CADPS: variants seen among roughly 807,000 people sequenced by gnomAD.
CADPS encodes calcium dependent secretion activator, also known as calcium-dependent secretion activator 1.
In CADPS, 57 loss-of-function variants were observed where a neutral mutation model predicts 167.3. The observed-to-expected ratio is 0.34, with a 90% confidence interval of 0.28 to 0.42. The LOEUF is 0.42. Ranked by LOEUF, CADPS falls within the 20% of genes least tolerant of loss-of-function variation. The pLI, the probability that CADPS is intolerant of heterozygous loss-of-function variation, is 1.00. For synonymous variants in CADPS, 676 were observed against 635.3 expected (o/e 1.06, Z -0.96); for missense variants, 1,414 against 1,738.1 (o/e 0.81, Z 3.32).
chr3:62,624,858 T>C (rs2063769809), intron 6 of CADPS, among the ~76,000 whole-genome samples: 1 of 152,116 alleles, frequency 6.6e-6, no homozygotes, highest in South Asian at 2.1e-4. Context: ...CCAGGAGCCA[T>C]GTCTGTGGTA....
intron 17 of CADPS, among the ~76,000 whole-genome samples, chr3:62,511,598 T>G (rs1040967101): frequency 4.6e-5 from 7 of 152,186 alleles, no homozygotes; most frequent in Admixed American, 1.3e-4. Context: ...ATTCTCTTGA[T>G]GTAGGATGAC....
chr3:62,685,707 G>A (rs1424512714), intron 3 of CADPS, among the ~76,000 whole-genome samples: 1 of 70,608 alleles, frequency 1.4e-5, no homozygotes, highest in Non-Finnish European at 2.7e-5. Flanking sequence ...ATTGGTTGGG[G>A]GGATGGTTTC....
At chr3:62,865,774 A>C (rs17292801) in intron 1 of CADPS, among the ~76,000 whole-genome samples, 1,841 of 152,254 alleles carry the variant, frequency 0.012, 21 homozygotes, top group Non-Finnish European at 0.02. Context: ...GTAGCTCTGT[A>C]GTTATTATTT....
intron 28 of CADPS, among the ~76,000 whole-genome samples, chr3:62,434,003 T>A (rs947382419): frequency 6.6e-6 from 1 of 152,210 alleles, no homozygotes; most frequent in Non-Finnish European, 1.5e-5. Flanking sequence ...TTTAGGAATA[T>A]GGAGATTATT....
chr3:62,739,732 C>T (rs901985069), intron 3 of CADPS, among the ~76,000 whole-genome samples: 3 of 152,162 alleles, frequency 2.0e-5, no homozygotes, highest in African/African-American at 7.2e-5. Context: ...TCTTTTAAAG[C>T]TAGCATATCA....
At chr3:62,731,688 A>G (rs534659223) in intron 3 of CADPS, among the ~76,000 whole-genome samples, 59 of 151,796 alleles carry the variant, frequency 3.9e-4, no homozygotes, top group African/African-American at 3.6e-4. Context: ...ACAATTTGCC[A>G]ACACATATTT....
chr3:62,430,307 T>C (rs1298142743), intron 28 of CADPS, among the ~76,000 whole-genome samples: 2 of 152,208 alleles, frequency 1.3e-5, no homozygotes, highest in African/African-American at 4.8e-5. Flanking sequence ...CTTGTAATTG[T>C]GAAGCCCATG....
In CADPS at chr3:62,667,074, A is replaced by G. The variant is rs1425727675; in HGVS notation, c.889-4680T>C. Among the ~76,000 whole-genome samples the G allele has an allele frequency of 2.1e-5, 3 of 145,614 alleles. No individual in the cohort carries two copies. The East Asian group carries it at 6.1e-4, about 29-fold the overall frequency. On this transcript the variant is annotated intron_variant, in intron 3 of 29. Transcript: ENST00000383710. ...TTTTTTGCCATTTCCTTACTGACAC[A>G]GAGTGAACAAGCAATCGAATCTTTC... is the stretch of plus-strand genomic sequence containing the variant.
chr3:62,504,059 T>C (rs1004366952), intron 17 of CADPS, among the ~76,000 whole-genome samples: 3 of 152,128 alleles, frequency 2.0e-5, no homozygotes, highest in African/African-American at 7.2e-5. Context: ...ATAAAAAAGA[T>C]TGAAAAATAT....
intron 11 of CADPS, among the ~76,000 whole-genome samples, chr3:62,545,090 T>C (rs552721246): frequency 6.6e-6 from 1 of 152,036 alleles, no homozygotes; most frequent in East Asian, 1.9e-4. Context: ...GTAGCAAAAA[T>C]AGAACAGTTC....
Position 62,455,684 on chromosome 3 carries a change from T to G in CADPS, c.3636+9683A>C, listed in dbSNP as rs2058611999. On this transcript the variant is annotated intron_variant, in intron 26 of 29. Transcript: ENST00000383710. The surrounding 1 kb of genome is among the most constrained non-coding windows in gnomAD (Gnocchi z 4.4). ...GGGCCCCTGCCCCCTTCTGGCATTT[T>G]TGTGTTTTGTTTGCCTTTTGAACAT... is the stretch of plus-strand genomic sequence containing the variant. Among the ~76,000 whole-genome samples, 1 of 152,238 alleles carries G rather than the reference T, an allele frequency of 6.6e-6. No homozygotes were observed. Among genetic ancestry groups the G allele is most frequent in the Non-Finnish European group, 1.5e-5 (1 of 68,052 alleles).
At chr3:62,836,213 A>G (rs2075865314) in intron 1 of CADPS, among the ~76,000 whole-genome samples, 1 of 152,240 alleles carries the variant, frequency 6.6e-6, no homozygotes, top group South Asian at 2.1e-4. Flanking sequence ...TTTGAAGAGA[A>G]ATAAGGCATC....
intron 3 of CADPS, among the ~76,000 whole-genome samples, chr3:62,693,821 A>G (rs900518861): frequency 5.3e-5 from 8 of 151,458 alleles, no homozygotes; most frequent in East Asian, 3.9e-4. Context: ...CTTCATGTCT[A>G]TCACCAGGAT....
chr3:62,764,711 T>A (rs1398849675), intron 2 of CADPS, among the ~76,000 whole-genome samples: 1 of 152,198 alleles, frequency 6.6e-6, no homozygotes, highest in Admixed American at 6.5e-5. Flanking sequence ...ATTGAAAGCA[T>A]CTGTTGTGGG....
chr3:62,539,140 A>C (rs1178005386), intron 11 of CADPS, among the ~76,000 whole-genome samples: 6 of 151,964 alleles, frequency 3.9e-5, no homozygotes, highest in Non-Finnish European at 7.4e-5. Flanking sequence ...CTAGGACTGG[A>C]TCTAGGAGGT....
intron 1 of CADPS, among the ~76,000 whole-genome samples, chr3:62,772,046 C>G (rs2088969668): frequency 6.6e-6 from 1 of 151,910 alleles, no homozygotes; most frequent in Admixed American, 6.6e-5. Context: ...TTTACAGAGT[C>G]TTTGTGAAAA....
intron 3 of CADPS, among the ~76,000 whole-genome samples, chr3:62,740,032 T>C (rs543758720): frequency 7.6e-4 from 116 of 152,306 alleles, no homozygotes; most frequent in African/African-American, 2.6e-3. Context: ...CTTACACTAA[T>C]ATATGTTGAT....
intron 3 of CADPS, among the ~76,000 whole-genome samples, chr3:62,739,599 G>T (rs2079761418): frequency 6.6e-6 from 1 of 152,036 alleles, no homozygotes; most frequent in Admixed American, 6.6e-5. Flanking sequence ...CTTATCTCTT[G>T]TCCAGCTCCA....
chr3:62,644,104 C>T (rs1407946430), intron 6 of CADPS, among the ~76,000 whole-genome samples: 1 of 152,148 alleles, frequency 6.6e-6, no homozygotes, highest in African/African-American at 2.4e-5. Context: ...TATACAATGC[C>T]CTGAGATTTT....
Sources: allele counts gnomAD v4.1 joint callset (sites outside exome capture counted in the v4.1 genomes callset), GRCh38; gene constraint gnomAD v4.1.1; non-coding constraint Gnocchi (gnomAD v3.1); transcripts MANE v1.5; gene names NCBI Gene and HGNC (gene_info 2026-07-23, HGNC 2026-07-21).